The following LURAP1L variants were observed in gnomAD, a reference collection of about 807,000 sequenced individuals.
The protein encoded by LURAP1L is leucine rich adaptor protein 1-like.
In LURAP1L, 12 loss-of-function variants were observed where a neutral mutation model predicts 13.8. The observed-to-expected ratio is 0.87, with a 90% CI of 0.56 to 1.41. The LOEUF is 1.41. Ranked by LOEUF, LURAP1L falls within the 40% of genes most tolerant of loss-of-function variation. The pLI is 0.00. For synonymous variants in LURAP1L, 139 were observed against 119.2 expected, an observed-to-expected ratio of 1.17 and a Z score of -1.08; for missense variants, 375 against 292.9, an observed-to-expected ratio of 1.28 and a Z score of -2.04.
rs747983719 is a variant in LURAP1L at position 12,776,007 on chromosome 9, C to A, written c.292C>A (p.His98Asn). 1 of 1,612,146 alleles carries A rather than the reference C, an allele frequency of 6.2e-7. No homozygotes were observed. ...SALERLETKL[H>N]LLRQEMVNLR... ...CCTGGAGAGGCTAGAAACCAAGCTT[C>A]ACCTCCTCAGGCAAGAGATGGTGAG... Residue 98 changes from histidine (H) to asparagine (N), a missense_variant, in exon 1 of 2, where the codon CAC becomes AAC. Coordinates refer to ENST00000319264, the MANE Select transcript of LURAP1L (RefSeq NM_203403.2).
intron 1 of LURAP1L, among the ~76,000 whole-genome samples, chr9:12,810,318 A>G (rs533847897): frequency 6.6e-6 from 1 of 152,274 alleles, no homozygotes; most frequent in East Asian, 1.9e-4. Flanking sequence ...TTCCTACAGA[A>G]AGCTAAGGCC....
chr9:12,781,487 C>A (rs899747351), intron 1 of LURAP1L, among the ~76,000 whole-genome samples: 17 of 152,288 alleles, frequency 1.1e-4, no homozygotes, highest in Non-Finnish European at 2.9e-5. Flanking sequence ...TTAGCTCCCA[C>A]GAATAAGTGA....
chr9:12,817,364 T>G (rs1270057394), intron 1 of LURAP1L, among the ~76,000 whole-genome samples: 1 of 152,196 alleles, frequency 6.6e-6, no homozygotes, highest in Non-Finnish European at 1.5e-5. Flanking sequence ...TCTTCCAGGT[T>G]TTGGCATAGA....
At chr9:12,788,239 GTA>G (rs967045724) in intron 1 of LURAP1L, among the ~76,000 whole-genome samples, 1 of 151,572 alleles carries the variant, frequency 6.6e-6, no homozygotes. Context: ...AGGTTTGTAT[GTA>G]TATGACTAAA....
chr9:12,795,051 T>A (rs537070168), intron 1 of LURAP1L, among the ~76,000 whole-genome samples: 4 of 152,062 alleles, frequency 2.6e-5, no homozygotes, highest in African/African-American at 7.2e-5. Context: ...TGAAAGAAAT[T>A]ATATCATAGT....
intron 1 of LURAP1L, 138 bp from the exon 2 acceptor site, chr9:12,821,248 G>C (rs1021719846): frequency 3.9e-6 from 4 of 1,025,922 alleles, no homozygotes; most frequent in Non-Finnish European, 5.7e-6. Context: ...TTATCAAAAA[G>C]TTCCTGACAA....
chr9:12,807,094 A>ATATATATATATATATATATATATAT (rs1819669127), intron 1 of LURAP1L, among the ~76,000 whole-genome samples: 1 of 116,178 alleles, frequency 8.6e-6, no homozygotes, highest in Non-Finnish European at 1.8e-5. Flanking sequence ...TCTCTACTAA[A>ATATATATATATATATATATATATAT]ATATATATAT....
chr9:12,814,755 G>A (rs1450795819), intron 1 of LURAP1L, among the ~76,000 whole-genome samples: 2 of 152,144 alleles, frequency 1.3e-5, no homozygotes, highest in Non-Finnish European at 2.9e-5. Flanking sequence ...GCTGATGACA[G>A]TATTTTTATG....
intron 1 of LURAP1L, among the ~76,000 whole-genome samples, chr9:12,805,341 G>A (rs879542914): frequency 6.6e-6 from 1 of 151,940 alleles, no homozygotes; most frequent in African/African-American, 2.4e-5. Flanking sequence ...TAATTTATTG[G>A]TATATCCTAG....
chr9:12,788,588 T>C (rs1458142040), intron 1 of LURAP1L, among the ~76,000 whole-genome samples: 2 of 152,092 alleles, frequency 1.3e-5, no homozygotes. Flanking sequence ...AAATATGTTA[T>C]TTATGTGAAT....
At chr9:12,786,940 T>A (rs1314172397) in intron 1 of LURAP1L, among the ~76,000 whole-genome samples, 1 of 152,056 alleles carries the variant, frequency 6.6e-6, no homozygotes, top group Non-Finnish European at 1.5e-5. Context: ...ATTTGGCAGT[T>A]TCAGATTTTT....
Position 12,821,612 on chromosome 9 carries a change from G to A in LURAP1L, c.539G>A (p.Gly180Glu). 1 of 1,614,164 alleles carries A rather than the reference G, an allele frequency of 6.2e-7. No individual in the cohort carries two copies. Among genetic ancestry groups the A allele is most frequent in the South Asian group, 1.1e-5 (1 of 91,078 alleles). ...GATGGGCTGGATGGCATTTCCGTGG[G>A]AAGTTATCTGGACACGTTGGCGGAT... ...GSDGLDGISV[G>E]SYLDTLADDV... Residue 180 changes from glycine to glutamate, a missense_variant, in exon 2 of 2, where the codon GGA becomes GAA. Gly to Glu is a moderately conservative substitution (Grantham distance 98). Transcript: ENST00000319264.
chr9:12,814,060 C>A (rs72702673), intron 1 of LURAP1L, among the ~76,000 whole-genome samples: 7,847 of 152,190 alleles, frequency 0.052, 278 homozygotes, highest in Non-Finnish European at 0.077. Context: ...TATATCAGCA[C>A]AATTTGTATT....
Position 12,775,771 on chromosome 9 carries a change from A to C in LURAP1L, c.56A>C (p.Lys19Thr), listed in dbSNP as rs149696691. 1.6e-4 allele frequency: 261 copies of C among 1,607,688 alleles called. No individual in the cohort carries two copies. In the African/African-American group the frequency reaches 3.2e-3, roughly 20 times the overall value. Residue 19 changes from lysine to threonine, a missense_variant, in exon 1 of 2, where the codon AAA becomes ACA. Transcript: ENST00000319264. ...LRDIELKLGRKVPESLVRSLR... is the reference protein window; with the variant it reads ...LRDIELKLGRTVPESLVRSLR... ...GACATCGAGCTGAAGCTGGGGCGCA[A>C]AGTACCCGAGAGTCTAGTGCGCTCT...
intron 1 of LURAP1L, among the ~76,000 whole-genome samples, chr9:12,820,502 C>A (rs1175690101): frequency 4.9e-5 from 2 of 41,148 alleles, no homozygotes; most frequent in South Asian, 1.6e-3. Context: ...GACTCCGTCC[C>A]CCCCCCCCCC....
chr9:12,789,031 C>T (rs1358370906), intron 1 of LURAP1L, among the ~76,000 whole-genome samples: 1 of 151,054 alleles, frequency 6.6e-6, no homozygotes. Context: ...TGCACCACTG[C>T]ATTCCAGGTT....
intron 1 of LURAP1L, among the ~76,000 whole-genome samples, chr9:12,815,762 CT>C (rs908975935): frequency 6.6e-6 from 1 of 152,108 alleles, no homozygotes; most frequent in Non-Finnish European, 1.5e-5. Context: ...AAAAATGTCC[CT>C]ATTTGGAAGA....
chr9:12,799,290 G>C (rs1024121521), intron 1 of LURAP1L, among the ~76,000 whole-genome samples: 1 of 152,076 alleles, frequency 6.6e-6, no homozygotes, highest in African/African-American at 2.4e-5. Flanking sequence ...TCTGTCTTTA[G>C]GGTATATTTT....
intron 1 of LURAP1L, among the ~76,000 whole-genome samples, chr9:12,804,974 A>G (rs1010040156): frequency 7.9e-5 from 12 of 152,190 alleles, no homozygotes; most frequent in African/African-American, 2.9e-4. Flanking sequence ...TATAAGCCAT[A>G]AGTTGTAACC....
Sources: allele counts gnomAD v4.1 joint callset (sites outside exome capture counted in the v4.1 genomes callset), GRCh38; gene constraint gnomAD v4.1.1; transcripts MANE v1.5; gene names NCBI Gene and HGNC (gene_info 2026-07-23, HGNC 2026-07-21).